Variants in SLC38A8 observed in about 807,000 individuals in gnomAD.
SLC38A8 encodes the protein amino acid transporter SLC38A8.
Under a neutral mutation model 46.0 loss-of-function variants are expected in SLC38A8, and 65 were observed. That is an observed-to-expected ratio of 1.41 (90% CI 1.16 to 1.74). The LOEUF (loss-of-function observed/expected upper bound fraction) is 1.74. SLC38A8 is among the 40% of genes most tolerant of loss of function. The pLI is 0.00. For synonymous variants in SLC38A8, 447 were observed against 243.7 expected (o/e 1.83, Z -7.77); for missense variants, 998 against 567.9 (o/e 1.76, Z -7.70).
intron 7 of SLC38A8, among the ~76,000 whole-genome samples, chr16:84,019,231 T>C (rs1055477659): frequency 3.3e-5 from 5 of 152,212 alleles, no homozygotes; most frequent in Middle Eastern, 3.4e-3. Context: ...CATGTCACCA[T>C]GCTCGGCTAT....
chr16:84,039,009 G>C (rs149500322), intron 2 of SLC38A8, among the ~76,000 whole-genome samples: 1 of 152,166 alleles, frequency 6.6e-6, no homozygotes, highest in Non-Finnish European at 1.5e-5. Flanking sequence ...AAAGGGGTTT[G>C]CCTCTATCAT....
rs571526297 is a variant in SLC38A8 at position 84,033,584 on chromosome 16, G to A, written c.389-115C>T. ...GGACATCCACCCTCAGCCAGCCCCA[G>A]GAGCCCAGGGATCAGACGACAAGTG... On this transcript the variant is annotated intron_variant, in intron 3 of 10. Coordinates refer to ENST00000299709, the MANE Select transcript of SLC38A8 (RefSeq NM_001080442.3). 7.8e-5 allele frequency: 95 copies of A among 1,225,700 alleles called. 1 individual carries two copies. The highest frequency in any genetic ancestry group is 1.0e-4 in the Non-Finnish European group (92 of 892,728). The allele number at this position is 1,225,700 out of a possible 1,614,324, so 75.9% of individuals were successfully genotyped here.
intron 2 of SLC38A8, among the ~76,000 whole-genome samples, chr16:84,037,597 C>T (rs1236211750): frequency 6.6e-6 from 1 of 151,940 alleles, no homozygotes; most frequent in East Asian, 1.9e-4. Context: ...CCTGTCCCTA[C>T]TAAAAATACA....
At chr16:84,019,785 A>C (rs1417880260) in intron 7 of SLC38A8, among the ~76,000 whole-genome samples, 2 of 152,332 alleles carry the variant, frequency 1.3e-5, no homozygotes, top group East Asian at 1.9e-4. Flanking sequence ...AAACATTCTC[A>C]TCCCAGAAGA....
chr16:84,018,630 G>A (rs1247403771), intron 7 of SLC38A8, among the ~76,000 whole-genome samples: 3 of 152,158 alleles, frequency 2.0e-5, no homozygotes, highest in Non-Finnish European at 4.4e-5. Flanking sequence ...TATGTGGGCT[G>A]TTCAGCTGGA....
Position 84,033,396 on chromosome 16 carries a change from G to A in SLC38A8, c.462C>T (p.Pro154=). 1.2e-6 allele frequency: 2 copies of A among 1,613,986 alleles called. No individual in the cohort carries two copies. The highest frequency in any genetic ancestry group is 2.2e-5 in the South Asian group (2 of 91,070). The change falls in exon 4 of 11, where the codon CCC becomes CCT. Residue 154 remains proline, a synonymous_variant. Transcript: ENST00000299709. ...GCAGGATGACCAGCACGGAGAGCAG[G>A]GGCAGGGTGAAGCGCTGGTCTGCGT... ...PWYADQRFTL[P]LLSVLVILPL... is the part of the protein sequence containing the mutation.
In SLC38A8 at chr16:84,033,927, T is replaced by C. The variant is rs182055375; in HGVS notation, c.389-458A>G. ...TTGCAGCAGAACACATGACCCCAAA[T>C]GCAGTGGCTCAAAACCACTTTATTA... On this transcript the variant is annotated intron_variant, in intron 3 of 10. Coordinates refer to ENST00000299709, the MANE Select transcript of SLC38A8 (RefSeq NM_001080442.3). Among the ~76,000 whole-genome samples, 635 of 151,958 alleles carry C rather than the reference T, an allele frequency of 4.2e-3. 6 individuals are homozygous for C. Among genetic ancestry groups the C allele is most frequent in the African/African-American group, 0.014 (589 of 41,230 alleles).
intron 6 of SLC38A8, among the ~76,000 whole-genome samples, chr16:84,025,237 C>T (rs1318065106): frequency 6.6e-6 from 1 of 152,176 alleles, no homozygotes; most frequent in African/African-American, 2.4e-5. Context: ...CACCCACTCT[C>T]TCACTCCTGG....
chr16:84,031,407 C>T (rs2085236292), intron 5 of SLC38A8, among the ~76,000 whole-genome samples: 1 of 152,226 alleles, frequency 6.6e-6, no homozygotes, highest in Non-Finnish European at 1.5e-5. Flanking sequence ...TGCCAAGTCT[C>T]CCAACTCATC....
chr16:84,019,816 G>C (rs932410777), intron 7 of SLC38A8, among the ~76,000 whole-genome samples: 32 of 152,238 alleles, frequency 2.1e-4, no homozygotes, highest in African/African-American at 6.8e-4. Flanking sequence ...CCAAAGGAAA[G>C]GAGTAAAGGC....
chr16:84,012,232 AC>A (rs1567688352), intron 10 of SLC38A8, among the ~76,000 whole-genome samples: 1 of 152,116 alleles, frequency 6.6e-6, no homozygotes, highest in African/African-American at 2.4e-5. Flanking sequence ...GTCACCCAGA[AC>A]CCCAGACTAC....
chr16:84,017,031 G>C lies in SLC38A8; in HGVS notation c.953+109C>G, dbSNP rs182125176. 3.9e-4 allele frequency: 556 copies of C among 1,422,586 alleles called. 1 individual carries two copies. In the African/African-American group the frequency reaches 6.0e-3, roughly 15 times the overall value. The allele number at this position is 1,422,586 out of a possible 1,614,324, so 88.1% of individuals were successfully genotyped here. A position where few individuals can be genotyped will look rare whatever the true frequency, so the allele number is the denominator to read the frequency against. Reference sequence around the variant, plus strand: ...GCCTGTTTCCTCCTGTCTACAATTGGAGAGGATGGTAGTCCCACAGCCGCG... The same window carrying C: ...GCCTGTTTCCTCCTGTCTACAATTGCAGAGGATGGTAGTCCCACAGCCGCG... On this transcript the variant is annotated intron_variant, in intron 8 of 10. Transcript: ENST00000299709.
chr16:84,034,723 T>A (rs1436187131), intron 3 of SLC38A8, among the ~76,000 whole-genome samples: 1 of 152,012 alleles, frequency 6.6e-6, no homozygotes, highest in African/African-American at 2.4e-5. Flanking sequence ...AGCATCCACG[T>A]GGGAGAGCCG....
rs763803229 is a variant in SLC38A8 at position 84,042,172 on chromosome 16, G to C, written c.-2-13C>G. 2.5e-6 allele frequency: 4 copies of C among 1,597,206 alleles called. No individual in the cohort carries two copies. Among genetic ancestry groups the C allele is most frequent in the African/African-American group, 1.3e-5 (1 of 74,198 alleles). On this transcript the variant is annotated splice_polypyrimidine_tract_variant and intron_variant, in intron 1 of 10. Coordinates refer to ENST00000299709, the MANE Select transcript of SLC38A8 (RefSeq NM_001080442.3). ...TGTCCCTCCATGGCTAGAGGCGGCA[G>C]AGGGGTGGAGAGAAAGCACAGTCTT... is the stretch of plus-strand genomic sequence containing the variant.
chr16:84,036,006 A>T (rs543962451), intron 3 of SLC38A8, among the ~76,000 whole-genome samples: 1 of 152,220 alleles, frequency 6.6e-6, no homozygotes, highest in Admixed American at 6.5e-5. Context: ...AAGAGCACAC[A>T]AAGTGTTCTC....
intron 6 of SLC38A8, among the ~76,000 whole-genome samples, chr16:84,028,943 C>T (rs1470735785): frequency 6.6e-6 from 1 of 152,160 alleles, no homozygotes; most frequent in Non-Finnish European, 1.5e-5. Flanking sequence ...CACATATAGC[C>T]CCGTCCTCCC....
At chr16:84,019,002 C>T (rs1252952485) in intron 7 of SLC38A8, among the ~76,000 whole-genome samples, 1 of 152,126 alleles carries the variant, frequency 6.6e-6, no homozygotes, top group Non-Finnish European at 1.5e-5. Context: ...TGGCCTCTCC[C>T]AGAGGAATTT....
In SLC38A8 at chr16:84,022,845, C is replaced by T. The variant is rs774336327; in HGVS notation, c.735G>A (p.Arg245=). 3 of 1,612,138 alleles carry T rather than the reference C, an allele frequency of 1.9e-6. No individual in the cohort carries two copies. The highest frequency in any genetic ancestry group is 2.5e-6 in the Non-Finnish European group (3 of 1,179,238). ...ACACCAGGGCCCAGTGGGAGAGGCT[C>T]CGTTTGCGCATGCTGCAGTAGATGG... ...AVSIYCSMRK[R]SLSHWALVSV... The change falls in exon 7 of 11, where the codon CGG becomes CGA. Residue 245 remains arginine (R), a synonymous_variant. Transcript: ENST00000299709.
chr16:84,042,047 C>T lies in SLC38A8; in HGVS notation c.111G>A (p.Ala37=), dbSNP rs749320183. The change falls in exon 2 of 11, where the codon GCG becomes GCA. Residue 37 remains alanine (A), a synonymous_variant. Coordinates refer to ENST00000299709, the MANE Select transcript of SLC38A8 (RefSeq NM_001080442.3). ...MGAVFILMKS[A]LGAGLLNFPW... ...GGAAGTTGAGCAGGCCAGCTCCCAG[C>T]GCGGACTTCATGAGGATGAAGACAG... The T allele has an allele frequency of 9.3e-6, 15 of 1,613,804 alleles. No homozygotes were observed. Among genetic ancestry groups the T allele is most frequent in the Middle Eastern group, 3.3e-4 (2 of 6,080 alleles).
Sources: gnomAD v4.1 joint callset for allele counts (sites outside exome capture counted in the v4.1 genomes callset) on GRCh38, gnomAD v4.1.1 for gene constraint, MANE v1.5 for transcripts, NCBI Gene and HGNC (gene_info 2026-07-23, HGNC 2026-07-21) for gene names.